The following AGBL4 variants were observed in gnomAD, a reference collection of about 807,000 sequenced individuals.
AGBL4 encodes AGBL carboxypeptidase 4, also known as cytosolic carboxypeptidase 6.
Under a neutral mutation model 66.4 loss-of-function variants are expected in AGBL4, and 58 were observed. The observed-to-expected ratio is 0.87, with a 90% CI of 0.71 to 1.09. AGBL4 has a LOEUF of 1.09. Among genes scored for constraint, AGBL4 ranks in the 50% least tolerant of loss-of-function variants. The pLI is 0.00. For synonymous variants in AGBL4, 234 were observed against 222.9 expected, an observed-to-expected ratio of 1.05 and a Z score of -0.44; for missense variants, 579 against 631.0, an observed-to-expected ratio of 0.92 and a Z score of 0.88.
chr1:49,692,747 C>T (rs1392255907), intron 3 of AGBL4, among the ~76,000 whole-genome samples: 1 of 151,540 alleles, frequency 6.6e-6, no homozygotes, highest in East Asian at 1.9e-4. Context: ...AGCAAACTTT[C>T]TCAGAATCTT....
intron 8 of AGBL4, among the ~76,000 whole-genome samples, chr1:48,649,881 T>G (rs1645899172): frequency 1.3e-5 from 2 of 152,218 alleles, no homozygotes; most frequent in African/African-American, 4.8e-5. Context: ...GCCTCATAAC[T>G]CTATAGTATC....
At chr1:49,706,197 A>G (rs982208661) in intron 2 of AGBL4, among the ~76,000 whole-genome samples, 1 of 152,118 alleles carries the variant, frequency 6.6e-6, no homozygotes, top group African/African-American at 2.4e-5. Flanking sequence ...GTTGGTTGGT[A>G]GGCTCTTAAT....
At chr1:49,242,820 G>A (rs1053149681) in intron 4 of AGBL4, among the ~76,000 whole-genome samples, 1 of 151,768 alleles carries the variant, frequency 6.6e-6, no homozygotes, top group African/African-American at 2.4e-5. Flanking sequence ...CCTCAAGGCA[G>A]AACAGCCTTG....
chr1:48,724,562 A>G (rs1484406), intron 6 of AGBL4, among the ~76,000 whole-genome samples: 44,027 of 152,078 alleles, frequency 0.29, 6,969 homozygotes, highest in East Asian at 0.64. Flanking sequence ...AAAGGGAAGG[A>G]TACAAACCTA....
At chr1:48,586,104 T>C (rs1644815160) in intron 11 of AGBL4, 2 of 152,220 alleles carry the variant, frequency 1.3e-5, no homozygotes, top group African/African-American at 4.8e-5. Flanking sequence ...GAAAGCAGAA[T>C]CTGCCACGAT....
chr1:48,595,018 A>G (rs908932877), intron 9 of AGBL4, among the ~76,000 whole-genome samples: 2 of 152,202 alleles, frequency 1.3e-5, no homozygotes, highest in Non-Finnish European at 2.9e-5. Flanking sequence ...GATGTAAGAG[A>G]GAAGTGAATC....
At chr1:49,422,057 T>C (rs961622677) in intron 3 of AGBL4, among the ~76,000 whole-genome samples, 1 of 152,228 alleles carries the variant, frequency 6.6e-6, no homozygotes, top group African/African-American at 2.4e-5. Flanking sequence ...GAGATTCTTA[T>C]GTAGATAGAC....
intron 6 of AGBL4, among the ~76,000 whole-genome samples, chr1:48,722,421 G>A (rs1432289418): frequency 3.9e-5 from 6 of 152,182 alleles, no homozygotes; most frequent in African/African-American, 7.2e-5. Context: ...GTCGAGTGGG[G>A]ACTGCAGGTG....
chr1:49,462,210 C>A (rs1343984242), intron 3 of AGBL4, among the ~76,000 whole-genome samples: 1 of 151,888 alleles, frequency 6.6e-6, no homozygotes, highest in East Asian at 1.9e-4. Flanking sequence ...GAGACTACTT[C>A]TTTATTCATC....
intron 5 of AGBL4, among the ~76,000 whole-genome samples, chr1:48,932,984 T>G (rs539278590): frequency 1.3e-5 from 2 of 152,294 alleles, no homozygotes; most frequent in African/African-American, 4.8e-5. Context: ...CTTCATTTTT[T>G]TCCTCTTTAC....
chr1:48,678,827 G>T (rs2148476913), intron 6 of AGBL4, among the ~76,000 whole-genome samples: 1 of 152,300 alleles, frequency 6.6e-6, no homozygotes, highest in South Asian at 2.1e-4. Context: ...GTTCCAGACA[G>T]CAATTTGCAT....
intron 7 of AGBL4, among the ~76,000 whole-genome samples, chr1:48,656,642 C>T (rs2148447406): frequency 6.6e-6 from 1 of 152,242 alleles, no homozygotes; most frequent in South Asian, 2.1e-4. Context: ...CAGGATGCAG[C>T]CATAAAAAGA....
chr1:48,931,134 C>A (rs1361251999), intron 5 of AGBL4, among the ~76,000 whole-genome samples: 2 of 152,062 alleles, frequency 1.3e-5, no homozygotes, highest in African/African-American at 4.8e-5. Context: ...TGCATAGGTA[C>A]CAAAAGATGA....
At chr1:49,062,641 C>T (rs1016683988) in intron 4 of AGBL4, among the ~76,000 whole-genome samples, 1 of 152,102 alleles carries the variant, frequency 6.6e-6, no homozygotes. Context: ...TAAAGATTTA[C>T]CCCTAGAAGA....
intron 3 of AGBL4, among the ~76,000 whole-genome samples, chr1:49,282,703 A>G (rs1032098747): frequency 1.1e-4 from 16 of 152,202 alleles, no homozygotes; most frequent in African/African-American, 3.1e-4. Flanking sequence ...GCATTGCCTC[A>G]CTTGGGAAGC....
At chr1:49,358,602 C>T (rs1644069764) in intron 3 of AGBL4, among the ~76,000 whole-genome samples, 1 of 152,062 alleles carries the variant, frequency 6.6e-6, no homozygotes, top group Non-Finnish European at 1.5e-5. Flanking sequence ...AACAAGAAAT[C>T]ATTTTCCTGT....
chr1:49,037,513 C>T (rs1664759751), intron 5 of AGBL4, among the ~76,000 whole-genome samples: 1 of 152,098 alleles, frequency 6.6e-6, no homozygotes, highest in Non-Finnish European at 1.5e-5. Context: ...ACTTATTTCT[C>T]CTGCATCCTC....
intron 1 of AGBL4, among the ~76,000 whole-genome samples, chr1:49,938,918 C>G (rs4554760): frequency 0.69 from 104,119 of 151,734 alleles, 36,507 homozygotes; most frequent in African/African-American, 0.78. Context: ...AATTGTCCCT[C>G]TTTGCAGACG....
At chr1:49,856,998 A>G (rs1379339262) in intron 1 of AGBL4, among the ~76,000 whole-genome samples, 1 of 152,058 alleles carries the variant, frequency 6.6e-6, no homozygotes, top group Non-Finnish European at 1.5e-5. Context: ...CCAAAAAAAA[A>G]AAACTGTTGA....
Sources: gnomAD v4.1 joint callset for allele counts (sites outside exome capture counted in the v4.1 genomes callset) on GRCh38, gnomAD v4.1.1 for gene constraint, MANE v1.5 for transcripts, NCBI Gene and HGNC (gene_info 2026-07-23, HGNC 2026-07-21) for gene names.